The following LSM12 variants were observed in gnomAD, a reference collection of about 807,000 sequenced individuals.
The protein encoded by LSM12 is protein LSM12.
For missense variants in LSM12, 108 were observed against 238.9 expected, an observed-to-expected ratio of 0.45 and a Z score of 3.61; for synonymous variants, 74 against 87.3, an observed-to-expected ratio of 0.85 and a Z score of 0.85.
chr17:44,063,397 G>A (rs1276941032), intron 2 of LSM12, among the ~76,000 whole-genome samples: 3 of 151,876 alleles, frequency 2.0e-5, no homozygotes, highest in Non-Finnish European at 2.9e-5. Flanking sequence ...GAAACCCTCC[G>A]AGAATCTGAA....
At chr17:44,061,663 G>C (rs2049797204) in intron 2 of LSM12, among the ~76,000 whole-genome samples, 1 of 152,142 alleles carries the variant, frequency 6.6e-6, no homozygotes, top group Non-Finnish European at 1.5e-5. Flanking sequence ...TCCTTGCTTT[G>C]CTGAACTGTA....
chr17:44,038,246 C>A (rs989566249), intron 3 of LSM12, among the ~76,000 whole-genome samples: 5 of 151,528 alleles, frequency 3.3e-5, no homozygotes, highest in Non-Finnish European at 7.4e-5. Flanking sequence ...CCCAGTTACT[C>A]CGGGGGCTGA....
At chr17:44,059,181 C>A (rs1223849801) in intron 2 of LSM12, among the ~76,000 whole-genome samples, 1 of 151,612 alleles carries the variant, frequency 6.6e-6, no homozygotes, top group Non-Finnish European at 1.5e-5. Flanking sequence ...AAAAACAGAA[C>A]ACACACACAC....
intron 2 of LSM12, among the ~76,000 whole-genome samples, chr17:44,060,636 T>A (rs1287361255): frequency 6.6e-6 from 1 of 152,220 alleles, no homozygotes; most frequent in South Asian, 2.1e-4. Flanking sequence ...GGCCACAGAG[T>A]AAGAAAAGTA....
intron 2 of LSM12, among the ~76,000 whole-genome samples, chr17:44,040,846 G>A (rs372224423): frequency 3.3e-5 from 5 of 151,294 alleles, no homozygotes; most frequent in African/African-American, 7.3e-5. Context: ...TTAGCCAGGC[G>A]TGGTGGCGGG....
At chr17:44,066,683 G>T, upstream of LSM12, 1 of 1,239,202 alleles carries the variant, frequency 8.1e-7, no homozygotes. Flanking sequence ...CGCACGGAGC[G>T]TGCTTGCGTC....
At chr17:44,037,648 C>A in intron 3 of LSM12, 110 bp from the exon 4 acceptor site, 5 of 1,339,806 alleles carry the variant, frequency 3.7e-6, no homozygotes, top group Non-Finnish European at 4.9e-6. Flanking sequence ...CAGCTCACCA[C>A]TCAGCCAACA....
chr17:44,044,129 G>A (rs1261095017), intron 2 of LSM12, among the ~76,000 whole-genome samples: 1 of 152,090 alleles, frequency 6.6e-6, no homozygotes, highest in Non-Finnish European at 1.5e-5. Context: ...ACAAGAGTTG[G>A]CTCAGGAAAC....
rs749027027 is a variant in LSM12 at position 44,066,525 on chromosome 17, C to T, written c.63G>A (p.Gln21=). The part of the protein sequence containing the change: ...VGSQVSCRTC[Q]EQRLQGEVVA... ...CCACCTCGCCCTGCAGCCGCTGCTC[C>T]TGGCACGTCCGGCACGACACCTGGC... Residue 21 remains glutamine, a synonymous_variant, in exon 1 of 5, where the codon CAG becomes CAA. Transcript: ENST00000293406. The T allele has an allele frequency of 6.6e-7, 1 of 1,522,200 alleles. No individual in the cohort carries two copies. The highest frequency in any genetic ancestry group is 1.2e-5 in the South Asian group (1 of 81,720). The allele number at this position is 1,522,200 out of a possible 1,614,324, so 94.3% of individuals were successfully genotyped here. A position where few individuals can be genotyped will look rare whatever the true frequency, so the allele number is the denominator to read the frequency against.
intron 3 of LSM12, among the ~76,000 whole-genome samples, chr17:44,038,581 G>A (rs547689491): frequency 4.6e-5 from 7 of 152,210 alleles, no homozygotes; most frequent in African/African-American, 1.7e-4. Context: ...CTTGAACCTG[G>A]GAGGCAGAGA....
intron 1 of LSM12, 107 bp from the exon 2 acceptor site, chr17:44,064,041 G>C (rs1211586139): frequency 6.5e-5 from 84 of 1,294,416 alleles, no homozygotes; most frequent in Non-Finnish European, 7.5e-6. Flanking sequence ...TAAAAGGCAG[G>C]CCAGGAGCAT....
chr17:44,064,858 G>A (rs980945909), intron 1 of LSM12, among the ~76,000 whole-genome samples: 1 of 151,998 alleles, frequency 6.6e-6, no homozygotes, highest in Non-Finnish European at 1.5e-5. Context: ...TTCTTAGGCC[G>A]CGCGGTGGCT....
chr17:44,059,650 G>C (rs1281752211), intron 2 of LSM12, among the ~76,000 whole-genome samples: 2 of 152,208 alleles, frequency 1.3e-5, no homozygotes, highest in Non-Finnish European at 2.9e-5. Context: ...TTAGCCTGAA[G>C]TGAACTATCA....
intron 2 of LSM12, among the ~76,000 whole-genome samples, chr17:44,051,389 C>CAAAAAA (rs57974319): frequency 4.3e-5 from 5 of 114,952 alleles, no homozygotes; most frequent in African/African-American, 1.6e-4. Flanking sequence ...GACTCCGTCT[C>CAAAAAA]AAAAAAAAAA....
chr17:44,058,014 A>C (rs2144106102), intron 2 of LSM12, among the ~76,000 whole-genome samples: 2 of 151,678 alleles, frequency 1.3e-5, no homozygotes, highest in Admixed American at 1.3e-4. Flanking sequence ...AGATGGGGGG[A>C]TCATGAGGTC....
Position 44,062,745 on chromosome 17 carries a change from A to T in LSM12, c.258+1056T>A, listed in dbSNP as rs2049815115. Among the ~76,000 whole-genome samples the T allele has an allele frequency of 2.6e-5, 4 of 152,118 alleles. No homozygotes were observed. The South Asian group carries it at 8.3e-4, about 32-fold the overall frequency. On this transcript the variant is annotated intron_variant, in intron 2 of 4. Transcript: ENST00000293406. The stretch of plus-strand genomic sequence containing the variant: ...CTACTAATAATACAAAAATTGAGCC[A>T]GGAGCAGTGGCTCACACCTATAATC...
At position 44,037,432 on chromosome 17, in the gene LSM12, G is replaced by A. The variant is rs1369711240; in HGVS notation, c.475C>T (p.Leu159=). The stretch of plus-strand genomic sequence containing the variant: ...CTTACTATTTTGCGTACATGGCTCA[G>A]TGCACTCCCCTCTTTGCCTTTACAG... ...ENCKGKEGSA[L]SHVRKIVEKH... is the part of the protein sequence containing the mutation. The change falls in exon 4 of 5, where the codon CTG becomes TTG. Residue 159 remains leucine (L), a synonymous_variant. Coordinates refer to ENST00000293406, the MANE Select transcript of LSM12 (RefSeq NM_001371445.1). 1 of 1,606,498 alleles carries A rather than the reference G, an allele frequency of 6.2e-7. No individual in the cohort carries two copies. The highest frequency in any genetic ancestry group is 8.5e-7 in the Non-Finnish European group (1 of 1,177,298).
intron 2 of LSM12, among the ~76,000 whole-genome samples, chr17:44,054,877 C>A (rs1318148149): frequency 1.3e-5 from 2 of 151,142 alleles, no homozygotes; most frequent in African/African-American, 4.9e-5. Context: ...CTCAATCTGT[C>A]GCCCAGGCTG....
chr17:44,036,212 G>A lies in LSM12; in HGVS notation c.584C>T (p.Ser195Phe). 1 of 1,612,484 alleles carries A rather than the reference G, an allele frequency of 6.2e-7. No individual in the cohort carries two copies. Among genetic ancestry groups the A allele is most frequent in the Non-Finnish European group, 8.5e-7 (1 of 1,179,712 alleles). ...GAGTCCTCCATGTGTACGGACTCAG[G>A]ATGACAGGGCAGCCTCCTTCTGTGG... is the stretch of plus-strand genomic sequence containing the variant. ...QQPQKEAALS[S>F] The change falls in exon 5 of 5, where the codon TCC (serine) becomes TTC (phenylalanine). Residue 195 changes from serine to phenylalanine, a missense_variant. Transcript: ENST00000293406.
Sources: gnomAD v4.1 joint callset for allele counts (sites outside exome capture counted in the v4.1 genomes callset) on GRCh38, gnomAD v4.1.1 for gene constraint, MANE v1.5 for transcripts, NCBI Gene and HGNC (gene_info 2026-07-23, HGNC 2026-07-21) for gene names.